The following PFKFB3 variants were observed in gnomAD, a reference collection of about 807,000 sequenced individuals.
The protein encoded by PFKFB3 is 6-phosphofructo-2-kinase/fructose-2,6-biphosphatase 3.
In PFKFB3, 33 loss-of-function variants were observed where a neutral mutation model predicts 68.0. The ratio of observed to expected loss-of-function variants is 0.49; its 90% confidence interval spans 0.37 to 0.65. PFKFB3 has a LOEUF of 0.65. Among genes scored for constraint, PFKFB3 ranks in the 30% least tolerant of loss-of-function variants. The pLI, the probability that PFKFB3 is intolerant of heterozygous loss-of-function variation, is 0.00. For synonymous variants in PFKFB3, 315 were observed against 288.2 expected (o/e 1.09, Z -0.94); for missense variants, 586 against 712.2 (o/e 0.82, Z 2.02).
chr10:6,222,708 C>G, intron 10 of PFKFB3, 147 bp from the exon 11 acceptor site: 1 of 832,510 alleles, frequency 1.2e-6, no homozygotes, highest in Non-Finnish European at 1.8e-6. Flanking sequence ...CAATAGTCCA[C>G]GTTAAACCCT....
intron 1 of PFKFB3, among the ~76,000 whole-genome samples, chr10:6,205,566 T>C (rs1843627824): frequency 6.6e-6 from 1 of 151,962 alleles, no homozygotes; most frequent in South Asian, 2.1e-4. Context: ...CTAATTTTCA[T>C]ATTTTTAGTA....
At chr10:6,299,897 A>G in the PFKFB3 span, among the ~76,000 whole-genome samples, 1 of 141,284 alleles carries the variant, frequency 7.1e-6, no homozygotes, top group African/African-American at 2.6e-5. Flanking sequence ...TCTGCTGAAC[A>G]TTTTAAGGCG....
At chr10:6,267,840 A>C in the PFKFB3 span, among the ~76,000 whole-genome samples, 1 of 151,008 alleles carries the variant, frequency 6.6e-6, no homozygotes, top group Non-Finnish European at 1.5e-5. Flanking sequence ...CTGTAGTCCC[A>C]GCTACTCGGG....
intron 1 of PFKFB3, among the ~76,000 whole-genome samples, chr10:6,206,842 G>A (rs1295206669): frequency 4.8e-3 from 71 of 14,850 alleles, no homozygotes; most frequent in Middle Eastern, 0.05. Context: ...CCCAGACGGG[G>A]TGGCGGCCGG....
At chr10:6,210,004 G>A (rs1055814910) in intron 1 of PFKFB3, among the ~76,000 whole-genome samples, 5 of 147,626 alleles carry the variant, frequency 3.4e-5, no homozygotes, top group South Asian at 2.3e-4. Context: ...CGCCCGCCTC[G>A]GCCTCCCAAA....
chr10:6,278,237 G>C, the PFKFB3 span, among the ~76,000 whole-genome samples: 1 of 150,894 alleles, frequency 6.6e-6, no homozygotes, highest in Non-Finnish European at 1.5e-5. Context: ...TTTTATTAGT[G>C]AGTGGTATTC....
rs1031843873 is a variant in PFKFB3 at position 6,163,545 on chromosome 10, C to T, written c.16+18532C>T. Among the ~76,000 whole-genome samples the T allele has an allele frequency of 5.3e-5, 8 of 152,074 alleles. 1 individual carries two copies. The highest frequency in any genetic ancestry group is 1.9e-4 in the African/African-American group (8 of 41,418). On this transcript the variant is annotated intron_variant, in intron 1 of 14. Transcript: ENST00000379789. ...GAGGTAGGGGGGCCAGACGGGACAT[C>T]AGCTCCCGGGAGCCCCGCTCTGGGC...
intron 4 of PFKFB3, among the ~76,000 whole-genome samples, 175 bp from the exon 5 acceptor site, chr10:6,216,531 G>C (rs542153346): frequency 6.6e-6 from 1 of 152,224 alleles, no homozygotes; most frequent in African/African-American, 2.4e-5. Context: ...GGTAGTTGCG[G>C]GAGGCCTGCC....
chr10:6,165,288 T>G (rs1333216029), intron 1 of PFKFB3, among the ~76,000 whole-genome samples: 8 of 152,226 alleles, frequency 5.3e-5, no homozygotes, highest in Non-Finnish European at 8.8e-5. Flanking sequence ...CCATTAAACC[T>G]TGATTCAATA....
chr10:6,312,395 C>CT, the PFKFB3 span, among the ~76,000 whole-genome samples: 1 of 152,298 alleles, frequency 6.6e-6, no homozygotes, highest in South Asian at 2.1e-4. Context: ...CGGCTCCAAT[C>CT]TTATCTGAAG....
chr10:6,280,189 G>A, the PFKFB3 span, among the ~76,000 whole-genome samples: 12,026 of 152,286 alleles, frequency 0.079, 1,606 homozygotes, highest in African/African-American at 0.27. Flanking sequence ...ACTGCCTCAC[G>A]TCTACCAGGC....
intron 1 of PFKFB3, among the ~76,000 whole-genome samples, chr10:6,192,051 G>A (rs1843038283): frequency 6.6e-6 from 1 of 151,454 alleles, no homozygotes; most frequent in African/African-American, 2.4e-5. Context: ...CACCCCAGAT[G>A]TCTGAATAGA....
chr10:6,320,560 C>T, the PFKFB3 span, among the ~76,000 whole-genome samples: 1 of 151,964 alleles, frequency 6.6e-6, no homozygotes, highest in Non-Finnish European at 1.5e-5. Context: ...TGAGCTGAGA[C>T]CACAGGTGCA....
intron 1 of PFKFB3, among the ~76,000 whole-genome samples, chr10:6,174,465 G>A (rs927598952): frequency 3.9e-5 from 6 of 152,218 alleles, no homozygotes; most frequent in African/African-American, 1.4e-4. Flanking sequence ...CTCAAGTTCT[G>A]TGGAGCGAGA....
At chr10:6,314,630 C>G in the PFKFB3 span, among the ~76,000 whole-genome samples, 2 of 152,198 alleles carry the variant, frequency 1.3e-5, no homozygotes, top group Non-Finnish European at 2.9e-5. Flanking sequence ...TGGTTTTAAA[C>G]TGGCTTTTAC....
At position 6,207,101 on chromosome 10, in the gene PFKFB3, A is replaced by G. The variant is rs796571392; in HGVS notation, c.76+3765A>G. On this transcript the variant is annotated intron_variant, in intron 1 of 14. Transcript: ENST00000379775. ...CCAAGGCAGGCGGCTGGGAGGTGGA[A>G]GTTGTAGCGAGCCGAGATCACGCCA... 1.7e-3 allele frequency among the ~76,000 whole-genome samples: 262 copies of G among 151,196 alleles called. 1 individual carries two copies. The highest frequency in any genetic ancestry group is 4.1e-3 in the African/African-American group (169 of 40,996).
At chr10:6,177,376 C>G (rs558060587) in intron 1 of PFKFB3, among the ~76,000 whole-genome samples, 42 of 109,220 alleles carry the variant, frequency 3.8e-4, no homozygotes, top group Middle Eastern at 8.1e-3. Flanking sequence ...TTCTTTCTTT[C>G]TTTCTTTCTT....
downstream of PFKFB3, among the ~76,000 whole-genome samples, chr10:6,238,643 G>T (rs1328726627): frequency 6.6e-6 from 1 of 151,622 alleles, no homozygotes; most frequent in African/African-American, 2.4e-5. Flanking sequence ...ATGGGGGTTG[G>T]TTGTACAGAT....
intron 3 of PFKFB3, 67 bp from the exon 4 acceptor site, chr10:6,216,058 G>A: frequency 6.5e-6 from 9 of 1,389,338 alleles, no homozygotes; most frequent in Admixed American, 1.7e-5. Flanking sequence ...GGCGTGTCGG[G>A]AGTTGCTTGG....
Sources: allele counts gnomAD v4.1 joint callset (sites outside exome capture counted in the v4.1 genomes callset), GRCh38; gene constraint gnomAD v4.1.1; transcripts MANE v1.5; gene names NCBI Gene and HGNC (gene_info 2026-07-23, HGNC 2026-07-21).